Variants in CCDC178 observed in about 807,000 individuals in gnomAD.
CCDC178 encodes coiled-coil domain-containing protein 178.
In CCDC178, 126 loss-of-function variants were observed where a neutral mutation model predicts 117.4. The observed-to-expected ratio is 1.07, with a 90% CI of 0.93 to 1.24. The LOEUF (loss-of-function observed/expected upper bound fraction) is 1.24. Among genes scored for constraint, CCDC178 ranks in the 50% most tolerant of loss-of-function variants. The pLI is 0.00. For synonymous variants in CCDC178, 283 were observed against 313.4 expected (o/e 0.90, Z 1.02); for missense variants, 1,030 against 986.9 (o/e 1.04, Z -0.59).
At chr18:33,200,034 C>T (rs985297020) in intron 20 of CCDC178, among the ~76,000 whole-genome samples, 2 of 152,154 alleles carry the variant, frequency 1.3e-5, no homozygotes, top group African/African-American at 4.8e-5. Context: ...GTTCTGTCTA[C>T]ATTAACTCAA....
chr18:33,174,890 T>A (rs886943021), intron 20 of CCDC178, among the ~76,000 whole-genome samples: 1 of 152,084 alleles, frequency 6.6e-6, no homozygotes, highest in South Asian at 2.1e-4. Context: ...GTCTTACTCT[T>A]ATGTCCCAGG....
chr18:33,146,143 A>G (rs926515674), intron 20 of CCDC178, among the ~76,000 whole-genome samples: 1 of 152,248 alleles, frequency 6.6e-6, no homozygotes, highest in Non-Finnish European at 1.5e-5. Context: ...ACTGCCTGCA[A>G]TAAGTTGCAG....
intron 3 of CCDC178, among the ~76,000 whole-genome samples, chr18:33,404,331 C>T (rs1010285214): frequency 2.0e-5 from 3 of 151,688 alleles, no homozygotes; most frequent in African/African-American, 7.3e-5. Flanking sequence ...TATTATGTAC[C>T]AGTTTTCTAT....
chr18:33,251,096 C>T (rs559104958), intron 14 of CCDC178, among the ~76,000 whole-genome samples: 5 of 151,462 alleles, frequency 3.3e-5, no homozygotes, highest in Admixed American at 6.6e-5. Context: ...TGTGAGTTCA[C>T]AGAAATAGAC....
intron 21 of CCDC178, among the ~76,000 whole-genome samples, chr18:33,033,392 A>C (rs2056383663): frequency 6.6e-6 from 1 of 152,060 alleles, no homozygotes; most frequent in African/African-American, 2.4e-5. Context: ...ATCTTTCTGC[A>C]TCTTCTCACT....
At chr18:32,974,327 G>A (rs559924709) in intron 22 of CCDC178, among the ~76,000 whole-genome samples, 1 of 152,192 alleles carries the variant, frequency 6.6e-6, no homozygotes, top group African/African-American at 2.4e-5. Context: ...CAGTTCTGAG[G>A]TTTGTGAGAA....
intron 20 of CCDC178, among the ~76,000 whole-genome samples, chr18:33,111,018 T>C (rs1567995012): frequency 6.6e-6 from 1 of 151,616 alleles, no homozygotes; most frequent in South Asian, 2.1e-4. Context: ...ATTTCCAATA[T>C]ATAAATTTGG....
At chr18:33,360,576 C>T (rs1467689571) in intron 6 of CCDC178, among the ~76,000 whole-genome samples, 1 of 151,546 alleles carries the variant, frequency 6.6e-6, no homozygotes, top group East Asian at 1.9e-4. Flanking sequence ...AAAATTATCT[C>T]TATTTGCAGA....
At chr18:33,140,688 G>A (rs2058192291) in intron 20 of CCDC178, among the ~76,000 whole-genome samples, 1 of 152,144 alleles carries the variant, frequency 6.6e-6, no homozygotes, top group Admixed American at 6.5e-5. Flanking sequence ...ATAGAAGGAA[G>A]GGACTTGCCT....
chr18:33,324,329 T>C (rs538837796), intron 10 of CCDC178, among the ~76,000 whole-genome samples: 2 of 152,050 alleles, frequency 1.3e-5, no homozygotes, highest in African/African-American at 2.4e-5. Flanking sequence ...ATGAGGGACA[T>C]ATAACATCAA....
At chr18:33,333,935 T>C (rs2062707198) in intron 9 of CCDC178, among the ~76,000 whole-genome samples, 2 of 152,192 alleles carry the variant, frequency 1.3e-5, no homozygotes, top group Admixed American at 6.5e-5. Context: ...CCTGTTTATG[T>C]TGTATGGTCA....
intron 20 of CCDC178, among the ~76,000 whole-genome samples, chr18:33,187,451 G>C (rs1298101174): frequency 6.6e-6 from 1 of 152,010 alleles, no homozygotes; most frequent in African/African-American, 2.4e-5. Flanking sequence ...ATCCCCTTCA[G>C]AGAAATACTG....
chr18:33,126,671 T>C (rs1045748232), intron 20 of CCDC178, among the ~76,000 whole-genome samples: 8 of 151,860 alleles, frequency 5.3e-5, no homozygotes, highest in Non-Finnish European at 1.2e-4. Flanking sequence ...TGTTTATTTT[T>C]TGTTTTTGAG....
At chr18:32,977,431 A>ATGCTTC (rs1568193279) in intron 21 of CCDC178, among the ~76,000 whole-genome samples, 1 of 152,190 alleles carries the variant, frequency 6.6e-6, no homozygotes, top group Non-Finnish European at 1.5e-5. Flanking sequence ...CTTGTTAGAC[A>ATGCTTC]TTAGTAAGAA....
chr18:32,951,286 G>A (rs887829657), intron 22 of CCDC178, among the ~76,000 whole-genome samples: 7 of 152,098 alleles, frequency 4.6e-5, no homozygotes, highest in East Asian at 3.9e-4. Context: ...ACTTGTATTC[G>A]TTCCTTCTCA....
intron 22 of CCDC178, among the ~76,000 whole-genome samples, chr18:32,961,650 C>T (rs1270629820): frequency 1.3e-5 from 2 of 152,116 alleles, no homozygotes; most frequent in East Asian, 3.9e-4. Context: ...TATCATCAGG[C>T]ATTCGATTCT....
chr18:33,098,741 A>AT (rs761444308), intron 20 of CCDC178, among the ~76,000 whole-genome samples: 32 of 151,938 alleles, frequency 2.1e-4, no homozygotes, highest in African/African-American at 6.8e-4. Context: ...CCTTTTCTTC[A>AT]TTTTTTTGTT....
At chr18:33,140,668 T>C (rs2058191826) in intron 20 of CCDC178, among the ~76,000 whole-genome samples, 1 of 152,180 alleles carries the variant, frequency 6.6e-6, no homozygotes, top group African/African-American at 2.4e-5. Flanking sequence ...GCTTTTGATT[T>C]TACAGGCTTA....
At chr18:33,282,745 A>G (rs147459939) in intron 12 of CCDC178, among the ~76,000 whole-genome samples, 31 of 152,234 alleles carry the variant, frequency 2.0e-4, no homozygotes, top group African/African-American at 7.5e-4. Context: ...AGCACATGGG[A>G]GTGCAACTGG....
Sources: gnomAD v4.1 joint callset for allele counts (sites outside exome capture counted in the v4.1 genomes callset) on GRCh38, gnomAD v4.1.1 for gene constraint, MANE v1.5 for transcripts, NCBI Gene and HGNC (gene_info 2026-07-23, HGNC 2026-07-21) for gene names.